LRRIQ1: variants seen among roughly 807,000 people sequenced by gnomAD.
LRRIQ1 encodes the protein leucine-rich repeat- and IQ domain-containing protein 1.
A neutral mutation model predicts 211.9 loss-of-function variants in LRRIQ1; 210 were observed. The ratio of observed to expected loss-of-function variants is 0.99; its 90% CI spans 0.89 to 1.11. The LOEUF (loss-of-function observed/expected upper bound fraction) is 1.11. Ranked by LOEUF, LRRIQ1 falls within the 50% of genes most tolerant of loss-of-function variation. The probability of loss-of-function intolerance (pLI) is 0.00; values close to 1 mark genes in which losing one functional copy is unlikely to be tolerated. For missense variants in LRRIQ1, 2,136 were observed against 1,939.5 expected, an observed-to-expected ratio of 1.10 and a Z score of -1.90; for synonymous variants, 699 against 650.1, an observed-to-expected ratio of 1.08 and a Z score of -1.14.
chr12:85,148,145 G>A (rs903964712), intron 19 of LRRIQ1, among the ~76,000 whole-genome samples: 1 of 151,628 alleles, frequency 6.6e-6, no homozygotes, highest in Non-Finnish European at 1.5e-5. Context: ...AAGAATATCT[G>A]AACAGAAGGC....
intron 7 of LRRIQ1, among the ~76,000 whole-genome samples, chr12:85,052,865 A>G (rs146378322): frequency 6.6e-6 from 1 of 152,256 alleles, no homozygotes; most frequent in East Asian, 1.9e-4. Context: ...ACAAGTGACA[A>G]AAAAAGACAA....
At chr12:85,221,309 C>G (rs1387050303) in intron 24 of LRRIQ1, among the ~76,000 whole-genome samples, 1 of 152,096 alleles carries the variant, frequency 6.6e-6, no homozygotes, top group African/African-American at 2.4e-5. Flanking sequence ...ACTGAGACAA[C>G]ATTAATTGAC....
Position 85,055,560 on chromosome 12 carries a change from A to T in LRRIQ1, c.767A>T (p.Asn256Ile). 6.5e-7 allele frequency: 1 copy of T among 1,530,986 alleles called. No homozygotes were observed. The highest frequency in any genetic ancestry group is 8.7e-7 in the Non-Finnish European group (1 of 1,145,646). 94.8% of individuals were successfully genotyped at this position (1,530,986 alleles called of 1,614,324 possible). A position where few individuals can be genotyped will look rare whatever the true frequency, so the allele number is the denominator to read the frequency against. ...ACTTTGTTTTAGGAGTATATTAGAA[A>T]CTTGCATTTACAAATGGAAGAAGAA... Reference protein sequence around the residue: ...KFKQHEEYIRNLHLQMEEERT... With the variant: ...KFKQHEEYIRILHLQMEEERT... Residue 256 changes from asparagine (N) to isoleucine (I), a missense_variant, in exon 8 of 27, where the codon AAC becomes ATC. Physicochemically the swap from Asn to Ile is moderately radical, Grantham distance 149. Transcript: ENST00000393217.
chr12:85,174,627 G>A (rs192454629), intron 24 of LRRIQ1, among the ~76,000 whole-genome samples: 48 of 142,724 alleles, frequency 3.4e-4, no homozygotes, highest in Admixed American at 3.3e-3. Context: ...ACTTGAACCC[G>A]AGAGGCAGAA....
intron 26 of LRRIQ1, among the ~76,000 whole-genome samples, chr12:85,242,569 A>G (rs543182737): frequency 1.3e-5 from 2 of 152,042 alleles, no homozygotes; most frequent in Non-Finnish European, 2.9e-5. Flanking sequence ...ACGACTGTAT[A>G]TACAATTTAC....
chr12:85,158,527 G>A (rs1592901345), intron 23 of LRRIQ1, among the ~76,000 whole-genome samples: 1 of 151,986 alleles, frequency 6.6e-6, no homozygotes, highest in East Asian at 1.9e-4. Context: ...AAAAGGGATT[G>A]TACAAGGAAT....
chr12:85,156,809 G>A (rs1158642790), intron 23 of LRRIQ1, among the ~76,000 whole-genome samples: 2 of 151,658 alleles, frequency 1.3e-5, no homozygotes, highest in South Asian at 2.1e-4. Flanking sequence ...CTAGATCTAC[G>A]GGAGTGGGGA....
intron 24 of LRRIQ1, among the ~76,000 whole-genome samples, chr12:85,183,455 T>C (rs1451013752): frequency 2.0e-5 from 3 of 152,166 alleles, no homozygotes; most frequent in Non-Finnish European, 2.9e-5. Flanking sequence ...GCCAACTAGC[T>C]CAACTCAGAT....
intron 1 of LRRIQ1, among the ~76,000 whole-genome samples, chr12:85,258,862 A>G (rs1183625687): frequency 6.6e-6 from 1 of 152,038 alleles, no homozygotes; most frequent in Non-Finnish European, 1.5e-5. Context: ...ACTATACATC[A>G]TGAAATTCCT....
At chr12:85,153,936 A>G in intron 22 of LRRIQ1, 76 bp from the exon 23 acceptor site, 2 of 1,034,434 alleles carry the variant, frequency 1.9e-6, no homozygotes, top group South Asian at 1.7e-5. Flanking sequence ...TCAGATATGC[A>G]TGTCTATTTT....
At chr12:85,100,505 A>G (rs1304396859) in intron 13 of LRRIQ1, among the ~76,000 whole-genome samples, 1 of 151,692 alleles carries the variant, frequency 6.6e-6, no homozygotes, top group Non-Finnish European at 1.5e-5. Context: ...GGGGTTTGCT[A>G]TTTGGGGGAT....
At chr12:85,078,799 A>G (rs1475523816) in intron 11 of LRRIQ1, among the ~76,000 whole-genome samples, 2 of 152,136 alleles carry the variant, frequency 1.3e-5, no homozygotes, top group Non-Finnish European at 2.9e-5. Context: ...ACTTATTTGT[A>G]TGGGTTATGT....
At chr12:85,124,693 A>C (rs1888245351) in intron 17 of LRRIQ1, 174 bp downstream of exon 17, 1 of 577,186 alleles carries the variant, frequency 1.7e-6, no homozygotes, top group East Asian at 3.0e-5. Context: ...TGCACAAATC[A>C]TTAATTATAG....
intron 24 of LRRIQ1, among the ~76,000 whole-genome samples, chr12:85,193,099 T>C (rs1179398797): frequency 8.2e-6 from 1 of 121,584 alleles, no homozygotes; most frequent in African/African-American, 3.2e-5. Flanking sequence ...TATATATATT[T>C]ATATATAATT....
chr12:85,122,536 G>T (rs910598894), intron 16 of LRRIQ1, among the ~76,000 whole-genome samples: 1 of 152,028 alleles, frequency 6.6e-6, no homozygotes, highest in African/African-American at 2.4e-5. Flanking sequence ...AAACAAAGAT[G>T]ATTTTGTATT....
intron 24 of LRRIQ1, among the ~76,000 whole-genome samples, chr12:85,219,588 G>C (rs933484304): frequency 2.0e-5 from 3 of 150,826 alleles, no homozygotes; most frequent in Non-Finnish European, 4.4e-5. Context: ...TTTCATTTTA[G>C]TTTTTTTTTC....
chr12:85,210,011 A>T (rs1893760123), intron 24 of LRRIQ1, among the ~76,000 whole-genome samples: 1 of 152,162 alleles, frequency 6.6e-6, no homozygotes, highest in South Asian at 2.1e-4. Context: ...AATGTTCTTA[A>T]TATACTAGCT....
At chr12:85,175,712 C>G (rs898448240) in intron 24 of LRRIQ1, among the ~76,000 whole-genome samples, 1 of 152,054 alleles carries the variant, frequency 6.6e-6, no homozygotes, top group Non-Finnish European at 1.5e-5. Flanking sequence ...CCAGTTTCAG[C>G]TTTCTACATA....
chr12:85,084,038 T>C lies in LRRIQ1; in HGVS notation c.2887+10940T>C, dbSNP rs1208749764. ...TGACATGACACAGTGCTGAAACTAG[T>C]AAAACCAGTCTCTTATGAGTTTTAT... On this transcript the variant is annotated intron_variant, in intron 11 of 26. Coordinates refer to ENST00000393217, the MANE Select transcript of LRRIQ1 (RefSeq NM_001079910.2). Among the ~76,000 whole-genome samples the C allele has an allele frequency of 3.9e-5, 6 of 152,214 alleles. 1 individual carries two copies. The highest frequency in any genetic ancestry group is 1.4e-4 in the African/African-American group (6 of 41,454).
Sources: gnomAD v4.1 joint callset for allele counts (sites outside exome capture counted in the v4.1 genomes callset) on GRCh38, gnomAD v4.1.1 for gene constraint, MANE v1.5 for transcripts, NCBI Gene and HGNC (gene_info 2026-07-23, HGNC 2026-07-21) for gene names.